The following ZDHHC15 variants were observed in gnomAD, a reference collection of about 807,000 sequenced individuals.
The protein encoded by ZDHHC15 is zDHHC palmitoyltransferase 15.
A neutral mutation model predicts 31.7 loss-of-function variants in ZDHHC15; 19 were observed. The observed-to-expected ratio is 0.60, with a 90% CI of 0.42 to 0.88. ZDHHC15 has a LOEUF of 0.88. Ranked by LOEUF, ZDHHC15 falls within the 40% of genes least tolerant of loss-of-function variation. The pLI is 0.00. For missense variants in ZDHHC15, 209 were observed against 251.2 expected (o/e 0.83, Z 1.14); for synonymous variants, 103 against 90.0 (o/e 1.14, Z -0.82).
chrX:75,439,044 C>T (rs1471844097), intron 4 of ZDHHC15, among the ~76,000 whole-genome samples: 4 of 111,403 alleles, frequency 3.6e-5, no homozygotes, highest in Non-Finnish European at 7.5e-5. Flanking sequence ...GATAGCTTTC[C>T]CTTCATAGGT....
chrX:75,443,966 C>A (rs1400772459), intron 4 of ZDHHC15, among the ~76,000 whole-genome samples: 2 of 110,006 alleles, frequency 1.8e-5, no homozygotes, highest in South Asian at 4.0e-4. Flanking sequence ...AGTCAGGAAA[C>A]AACAGGTGCT....
At chrX:75,514,299 T>A (rs1174611225) in intron 1 of ZDHHC15, among the ~76,000 whole-genome samples, 1 of 112,219 alleles carries the variant, frequency 8.9e-6, no homozygotes, top group African/African-American at 3.2e-5. Flanking sequence ...CAATGATAAA[T>A]CTACGTTAAG....
intron 10 of ZDHHC15, among the ~76,000 whole-genome samples, chrX:75,390,387 G>A (rs1473148456): frequency 9.0e-6 from 1 of 111,650 alleles, no homozygotes; most frequent in African/African-American, 3.3e-5. Context: ...AGTTATGATG[G>A]GTCTTGGGTG....
intron 2 of ZDHHC15, among the ~76,000 whole-genome samples, chrX:75,487,858 A>T: frequency 8.9e-6 from 1 of 112,497 alleles, no homozygotes; most frequent in African/African-American, 3.2e-5. Flanking sequence ...GAAATGAAAG[A>T]CATACTTAAA....
chrX:75,407,072 G>T (rs953255436), intron 10 of ZDHHC15, among the ~76,000 whole-genome samples: 3 of 112,573 alleles, frequency 2.7e-5, no homozygotes, highest in Non-Finnish European at 5.6e-5. Context: ...GCCTCCCAAA[G>T]TGCCGAGATT....
At chrX:75,427,549 T>C (rs767218516) in intron 7 of ZDHHC15, among the ~76,000 whole-genome samples, 3 of 111,424 alleles carry the variant, frequency 2.7e-5, no homozygotes, top group Non-Finnish European at 5.7e-5. Context: ...GCCTACTGTG[T>C]TAAGAACCAA....
chrX:75,481,352 G>A (rs2084686182), intron 2 of ZDHHC15, among the ~76,000 whole-genome samples: 4 of 111,388 alleles, frequency 3.6e-5, no homozygotes, highest in African/African-American at 1.3e-4. Flanking sequence ...CCTACACTTG[G>A]CAGTATCTTA....
chrX:75,392,285 A>G (rs1035365186), intron 10 of ZDHHC15, among the ~76,000 whole-genome samples: 2 of 112,059 alleles, frequency 1.8e-5, no homozygotes, highest in African/African-American at 3.2e-5. Flanking sequence ...GTAGGCTAGG[A>G]GGCTAGGCCA....
intron 3 of ZDHHC15, among the ~76,000 whole-genome samples, chrX:75,458,401 A>G (rs915229274): frequency 1.3e-4 from 14 of 111,847 alleles, no homozygotes; most frequent in African/African-American, 4.2e-4. Flanking sequence ...GGTATAATAT[A>G]TGGGGAAACA....
At chrX:75,474,433 T>TTA (rs753564700) in intron 3 of ZDHHC15, among the ~76,000 whole-genome samples, 624 of 51,004 alleles carry the variant, frequency 0.012, 10 homozygotes, top group African/African-American at 0.032. Flanking sequence ...AAACTCCCCT[T>TTA]TATATATATA....
intron 10 of ZDHHC15, among the ~76,000 whole-genome samples, chrX:75,406,971 A>C (rs1017704682): frequency 8.9e-6 from 1 of 112,050 alleles, no homozygotes; most frequent in Non-Finnish European, 1.9e-5. Flanking sequence ...ACAAATTTAA[A>C]ACATTAGTCA....
intron 1 of ZDHHC15, among the ~76,000 whole-genome samples, chrX:75,510,132 T>G (rs2085237891): frequency 9.0e-6 from 1 of 111,690 alleles, no homozygotes; most frequent in Non-Finnish European, 1.9e-5. Flanking sequence ...TCATTTACTT[T>G]TAAGGCAGTC....
intron 2 of ZDHHC15, among the ~76,000 whole-genome samples, chrX:75,500,164 G>C (rs2085067545): frequency 1.8e-5 from 2 of 109,757 alleles, no homozygotes; most frequent in South Asian, 7.9e-4. Flanking sequence ...TACGCACTGG[G>C]TTCAGTGTAC....
chrX:75,461,861 G>T (rs1362990379), intron 3 of ZDHHC15, among the ~76,000 whole-genome samples: 1 of 110,505 alleles, frequency 9.0e-6, no homozygotes, highest in Non-Finnish European at 1.9e-5. Context: ...ACTATGGAAT[G>T]ACCACATAAA....
chrX:75,453,046 A>C (rs1051669635), intron 3 of ZDHHC15, among the ~76,000 whole-genome samples: 20 of 112,019 alleles, frequency 1.8e-4, no homozygotes, highest in African/African-American at 6.5e-4. Context: ...AGCAGAACTG[A>C]AGGAGATAGA....
At chrX:75,462,557 G>A (rs1489290001) in intron 3 of ZDHHC15, among the ~76,000 whole-genome samples, 2 of 112,045 alleles carry the variant, frequency 1.8e-5, no homozygotes, top group African/African-American at 6.5e-5. Context: ...CATAAGAACT[G>A]AAATCATAAC....
intron 2 of ZDHHC15, among the ~76,000 whole-genome samples, chrX:75,491,240 T>A (rs1342890665): frequency 1.8e-5 from 2 of 110,381 alleles, no homozygotes; most frequent in South Asian, 4.0e-4. Flanking sequence ...TGTCCAACAA[T>A]GATAGACTGG....
intron 1 of ZDHHC15, among the ~76,000 whole-genome samples, chrX:75,514,846 A>C (rs2085331029): frequency 8.9e-6 from 1 of 111,908 alleles, no homozygotes; most frequent in African/African-American, 3.2e-5. Context: ...TAAAGAAGAA[A>C]AGAGAGAAGA....
chrX:75,388,660 G>T (rs902407456), intron 10 of ZDHHC15, among the ~76,000 whole-genome samples: 4 of 111,797 alleles, frequency 3.6e-5, no homozygotes, highest in African/African-American at 1.3e-4. Context: ...AAGAAAGAAA[G>T]AAGGGAAGAG....
Sources: gnomAD v4.1 joint callset for allele counts (sites outside exome capture counted in the v4.1 genomes callset) on GRCh38, gnomAD v4.1.1 for gene constraint, MANE v1.5 for transcripts, NCBI Gene and HGNC (gene_info 2026-07-23, HGNC 2026-07-21) for gene names.